SHC4: variants seen among roughly 807,000 people sequenced by gnomAD.
SHC4 encodes SHC adaptor protein 4.
In SHC4, 41 loss-of-function variants were observed where a neutral mutation model predicts 69.4. That is an observed-to-expected ratio of 0.59 (90% CI 0.46 to 0.77). SHC4 has a LOEUF of 0.77. SHC4 is among the 30% of genes least tolerant of loss of function. The pLI, the probability that SHC4 is intolerant of heterozygous loss-of-function variation, is 0.00. For synonymous variants in SHC4, 318 were observed against 299.3 expected (o/e 1.06, Z -0.64); for missense variants, 777 against 783.8 (o/e 0.99, Z 0.10).
chr15:48,827,684 C>G (rs1488564530), intron 11 of SHC4, among the ~76,000 whole-genome samples: 1 of 152,170 alleles, frequency 6.6e-6, no homozygotes, highest in Non-Finnish European at 1.5e-5. Flanking sequence ...AGATTGTAAG[C>G]AGGCCACTCT....
At chr15:48,927,848 T>C (rs546391761) in intron 1 of SHC4, among the ~76,000 whole-genome samples, 2 of 152,306 alleles carry the variant, frequency 1.3e-5, no homozygotes, top group Non-Finnish European at 2.9e-5. Flanking sequence ...TCTCAGCCCC[T>C]ATTCATCACT....
chr15:48,917,985 A>G (rs984109480), intron 2 of SHC4, among the ~76,000 whole-genome samples: 4 of 152,196 alleles, frequency 2.6e-5, no homozygotes, highest in Non-Finnish European at 5.9e-5. Context: ...AAGATGGTGA[A>G]ATATTTACAG....
At chr15:48,878,018 C>T in intron 4 of SHC4, 4 of 906,608 alleles carry the variant, frequency 4.4e-6, no homozygotes, top group Non-Finnish European at 6.5e-6. Flanking sequence ...CTGAGCTACT[C>T]CAACCACAGT....
chr15:48,939,209 G>T (rs183751449), intron 1 of SHC4, among the ~76,000 whole-genome samples: 1 of 152,292 alleles, frequency 6.6e-6, no homozygotes, highest in African/African-American at 2.4e-5. Flanking sequence ...AATCAATGGC[G>T]CTCCATAGGA....
chr15:48,897,210 G>A (rs567729016), intron 2 of SHC4, among the ~76,000 whole-genome samples: 95 of 152,224 alleles, frequency 6.2e-4, no homozygotes, highest in South Asian at 6.2e-3. Context: ...AAAGAGAAAC[G>A]CCCCAGAGCA....
chr15:48,843,574 T>C lies in SHC4; in HGVS notation c.1318A>G (p.Arg440Gly). The C allele has an allele frequency of 6.2e-7, 1 of 1,614,024 alleles. No homozygotes were observed. Residue 440 changes from arginine (R) to glycine (G), a missense_variant, in exon 10 of 12, where the codon AGA becomes GGA. Physicochemically the swap from Arg to Gly is moderately radical, Grantham distance 125 (BLOSUM62 -2). Transcript: ENST00000332408. Reference protein sequence around the residue: ...QSRAIGNVHPRGVQSQRDTSL... With the variant: ...QSRAIGNVHPGGVQSQRDTSL... ...GTATCTCGCTGGGACTGCACCCCTC[T>C]TGGATGGACATTACCTGTAGTGATT...
chr15:48,914,160 G>A (rs564336119), intron 2 of SHC4, among the ~76,000 whole-genome samples: 1 of 152,344 alleles, frequency 6.6e-6, no homozygotes, highest in South Asian at 2.1e-4. Context: ...CGCGCCCGGC[G>A]CGACATTGTG....
intron 11 of SHC4, among the ~76,000 whole-genome samples, chr15:48,826,734 AT>A (rs1404400951): frequency 6.6e-6 from 1 of 152,170 alleles, no homozygotes; most frequent in Non-Finnish European, 1.5e-5. Context: ...GAATCCCAGG[AT>A]TGTAATTATC....
intron 4 of SHC4, chr15:48,877,276 A>G: frequency 2.5e-6 from 1 of 398,494 alleles, no homozygotes; most frequent in Non-Finnish European, 3.5e-6. Flanking sequence ...TTGCAGGAAA[A>G]CAAGCTCAGG....
At chr15:48,839,383 GC>G (rs1295519090) in intron 10 of SHC4, among the ~76,000 whole-genome samples, 4 of 152,162 alleles carry the variant, frequency 2.6e-5, no homozygotes, top group African/African-American at 9.7e-5. Flanking sequence ...AAGTGGCGAA[GC>G]CCCCAAGAAA....
At chr15:48,849,949 T>C (rs1479204602) in intron 9 of SHC4, among the ~76,000 whole-genome samples, 3 of 152,234 alleles carry the variant, frequency 2.0e-5, no homozygotes, top group Non-Finnish European at 4.4e-5. Context: ...ACGCCTGTGA[T>C]CCCAGCACTT....
chr15:48,832,173 G>T (rs1898816751), intron 11 of SHC4, among the ~76,000 whole-genome samples: 1 of 152,162 alleles, frequency 6.6e-6, no homozygotes, highest in Non-Finnish European at 1.5e-5. Context: ...TTGGGAGGCT[G>T]AGGCAGGAGA....
intron 10 of SHC4, among the ~76,000 whole-genome samples, chr15:48,842,756 C>A (rs781689295): frequency 5.9e-5 from 9 of 152,062 alleles, no homozygotes; most frequent in Admixed American, 2.6e-4. Flanking sequence ...CAAGATGACA[C>A]CCTGTGTTTA....
chr15:48,945,271 AC>A (rs1213240519), intron 1 of SHC4, among the ~76,000 whole-genome samples: 3 of 152,174 alleles, frequency 2.0e-5, no homozygotes, highest in African/African-American at 7.2e-5. Context: ...TTCAGGGGCA[AC>A]CAACCATTGC....
At chr15:48,852,066 T>A (rs998666192) in intron 8 of SHC4, among the ~76,000 whole-genome samples, 5 of 152,032 alleles carry the variant, frequency 3.3e-5, no homozygotes, top group Non-Finnish European at 7.4e-5. Context: ...AGTAAATCAG[T>A]AGAGGAATCA....
intron 11 of SHC4, among the ~76,000 whole-genome samples, chr15:48,830,099 C>CT (rs1011983109): frequency 2.6e-5 from 4 of 152,044 alleles, no homozygotes; most frequent in South Asian, 4.2e-4. Flanking sequence ...TGTCTTAAAG[C>CT]TTTTTTTGGT....
At chr15:48,849,842 A>G (rs1001058038) in intron 9 of SHC4, among the ~76,000 whole-genome samples, 1 of 152,252 alleles carries the variant, frequency 6.6e-6, no homozygotes, top group African/African-American at 2.4e-5. Context: ...GGAATTTTAA[A>G]TAACTTTAAA....
At chr15:48,907,935 A>G (rs1040990237) in intron 2 of SHC4, among the ~76,000 whole-genome samples, 5 of 151,476 alleles carry the variant, frequency 3.3e-5, no homozygotes, top group African/African-American at 1.2e-4. Context: ...ATGATTTTGC[A>G]GTTGTGCTGC....
intron 4 of SHC4, chr15:48,878,164 A>T (rs763343468): frequency 1.3e-6 from 2 of 1,530,484 alleles, no homozygotes; most frequent in Non-Finnish European, 8.8e-7. Context: ...CTAGAGGTTG[A>T]GCGGTTTGCA....
Sources: allele counts gnomAD v4.1 joint callset (sites outside exome capture counted in the v4.1 genomes callset), GRCh38; gene constraint gnomAD v4.1.1; transcripts MANE v1.5; gene names NCBI Gene and HGNC (gene_info 2026-07-23, HGNC 2026-07-21).